The following CPLX1 variants were observed in gnomAD, a reference collection of about 807,000 sequenced individuals.
The protein encoded by CPLX1 is complexin 1.
A neutral mutation model predicts 15.6 loss-of-function variants in CPLX1; 6 were observed. That is an observed-to-expected ratio of 0.39 (90% confidence interval 0.21 to 0.76). The LOEUF (loss-of-function observed/expected upper bound fraction) is 0.76. Ranked by LOEUF, CPLX1 falls within the 30% of genes least tolerant of loss-of-function variation. CPLX1 has a pLI of 0.43. For missense variants in CPLX1, 242 were observed against 188.6 expected, an observed-to-expected ratio of 1.28 and a Z score of -1.66; for synonymous variants, 91 against 75.2, an observed-to-expected ratio of 1.21 and a Z score of -1.08.
chr4:824,864 A>T, intron 1 of CPLX1: 1 of 492,970 alleles, frequency 2.0e-6, no homozygotes, highest in Non-Finnish European at 3.8e-6. Flanking sequence ...GGCATCGCTC[A>T]GAGGCGCCTG....
chr4:813,788 G>C (rs1423110717), intron 2 of CPLX1, among the ~76,000 whole-genome samples: 4 of 152,068 alleles, frequency 2.6e-5, no homozygotes, highest in African/African-American at 4.8e-5. Flanking sequence ...AAGACCTAAA[G>C]GGCCTGACCT....
At chr4:806,871 T>C (rs1746563803) in intron 2 of CPLX1, among the ~76,000 whole-genome samples, 1 of 152,222 alleles carries the variant, frequency 6.6e-6, no homozygotes. Flanking sequence ...ACTTTTATAC[T>C]GTTGATGGGA....
At chr4:818,579 C>G (rs1746803421) in intron 2 of CPLX1, among the ~76,000 whole-genome samples, 1 of 152,276 alleles carries the variant, frequency 6.6e-6, no homozygotes, top group Admixed American at 6.5e-5. Context: ...TGGGGTCCTG[C>G]AACCATGGCC....
At chr4:809,951 G>C (rs1342604129) in intron 2 of CPLX1, among the ~76,000 whole-genome samples, 1 of 152,172 alleles carries the variant, frequency 6.6e-6, no homozygotes, top group African/African-American at 2.4e-5. Flanking sequence ...ATGCTGAGCA[G>C]GACCCCACGG....
intron 2 of CPLX1, among the ~76,000 whole-genome samples, chr4:801,564 T>G (rs1746460985): frequency 6.6e-6 from 1 of 152,242 alleles, no homozygotes. Flanking sequence ...TACTCACCAC[T>G]GTGTTACAAC....
chr4:824,474 C>G lies in CPLX1; in HGVS notation c.31+18G>C, dbSNP rs1473451980. Reference sequence around the variant, plus strand: ...CATGTCCCCTCAGCCCCTCCCCACCCCACCTCCCGCTTCCTACCTCCTAGA... The same window carrying G: ...CATGTCCCCTCAGCCCCTCCCCACCGCACCTCCCGCTTCCTACCTCCTAGA... On this transcript the variant is annotated intron_variant, in intron 2 of 3. Transcript: ENST00000304062. 2.4e-5 allele frequency: 39 copies of G among 1,611,168 alleles called. No homozygotes were observed. Among genetic ancestry groups the G allele is most frequent in the Non-Finnish European group, 3.1e-5 (37 of 1,178,394 alleles).
chr4:819,091 C>T (rs550419484), intron 2 of CPLX1, among the ~76,000 whole-genome samples: 12 of 152,268 alleles, frequency 7.9e-5, no homozygotes, highest in Non-Finnish European at 1.6e-4. Flanking sequence ...ACGCTCTGCG[C>T]TCCCCGTGCG....
intron 2 of CPLX1, among the ~76,000 whole-genome samples, chr4:810,056 T>TA (rs1440798604): frequency 6.1e-5 from 9 of 148,570 alleles, no homozygotes; most frequent in African/African-American, 2.0e-4. Context: ...TCTTTTTTTT[T>TA]TTTTTTTTTT....
At chr4:823,286 G>C (rs1374350892) in intron 2 of CPLX1, among the ~76,000 whole-genome samples, 1 of 152,136 alleles carries the variant, frequency 6.6e-6, no homozygotes, top group African/African-American at 2.4e-5. Flanking sequence ...GAAATCTCAG[G>C]GATGTGGCCC....
At chr4:795,826 G>T (rs1402236044) in intron 2 of CPLX1, among the ~76,000 whole-genome samples, 2 of 151,900 alleles carry the variant, frequency 1.3e-5, no homozygotes, top group African/African-American at 4.8e-5. Flanking sequence ...TGCAGATCGC[G>T]GCGCCTCCCT....
intron 2 of CPLX1, among the ~76,000 whole-genome samples, chr4:809,773 CA>C (rs1023668408): frequency 5.9e-5 from 9 of 152,194 alleles, no homozygotes; most frequent in Admixed American, 5.9e-4. Flanking sequence ...CCCACCACTC[CA>C]GCCACTGACC....
In CPLX1 at chr4:815,976, T is replaced by G. The variant is rs547733793; in HGVS notation, c.31+8516A>C. ...AAACTTCCCTGAACTATCCACCCAT[T>G]CAAAGATCTTTTGTTGTCTGTCCTT... On this transcript the variant is annotated intron_variant, in intron 2 of 3. Transcript: ENST00000304062. Among the ~76,000 whole-genome samples the G allele has an allele frequency of 6.8e-4, 104 of 152,312 alleles. 1 individual carries two copies. Among genetic ancestry groups the G allele is most frequent in the African/African-American group, 2.2e-3 (90 of 41,566 alleles).
intron 2 of CPLX1, 152 bp from the exon 3 acceptor site, chr4:792,760 C>G (rs1746223441): frequency 1.3e-6 from 1 of 778,924 alleles, no homozygotes; most frequent in Admixed American, 2.8e-5. Flanking sequence ...AGCCGCTCCT[C>G]CCACCTCCAT....
chr4:816,808 C>G (rs963265896), intron 2 of CPLX1, among the ~76,000 whole-genome samples: 1 of 151,942 alleles, frequency 6.6e-6, no homozygotes, highest in Non-Finnish European at 1.5e-5. Context: ...GGCGACAGAG[C>G]GAGACCCTGT....
At chr4:812,269 G>T (rs1746678147) in intron 2 of CPLX1, among the ~76,000 whole-genome samples, 2 of 151,994 alleles carry the variant, frequency 1.3e-5, no homozygotes, top group African/African-American at 4.8e-5. Flanking sequence ...AGAGACAGGG[G>T]TATCACCATG....
chr4:788,580 C>G (rs187490047), intron 3 of CPLX1: 1 of 985,358 alleles, frequency 1.0e-6, no homozygotes, highest in Non-Finnish European at 1.2e-6. Flanking sequence ...GCCCTGCAGG[C>G]CCAGAACAAA....
At chr4:815,497 A>G (rs1560246009) in intron 2 of CPLX1, among the ~76,000 whole-genome samples, 10 of 152,042 alleles carry the variant, frequency 6.6e-5, no homozygotes. Flanking sequence ...GCTCAGCGCT[A>G]AGCAGTATTT....
chr4:805,614 A>G (rs946809757), intron 2 of CPLX1, among the ~76,000 whole-genome samples: 3 of 152,238 alleles, frequency 2.0e-5, no homozygotes, highest in Admixed American at 6.5e-5. Flanking sequence ...TAGACCCACA[A>G]GAACTGAAAG....
intron 3 of CPLX1, 65 bp downstream of exon 3, chr4:792,368 C>T (rs750301545): frequency 2.8e-4 from 390 of 1,401,378 alleles, no homozygotes; most frequent in Non-Finnish European, 3.6e-4. Context: ...TCCACCCAGG[C>T]GGGATCTGGG....
Sources: allele counts gnomAD v4.1 joint callset (sites outside exome capture counted in the v4.1 genomes callset), GRCh38; gene constraint gnomAD v4.1.1; transcripts MANE v1.5; gene names NCBI Gene and HGNC (gene_info 2026-07-23, HGNC 2026-07-21).